The following ABCC4 variants were observed in gnomAD, a reference collection of about 807,000 sequenced individuals.
ABCC4 encodes the protein ATP binding cassette subfamily C member 4 (PEL blood group).
In ABCC4, 102 loss-of-function variants were observed where a neutral mutation model predicts 168.5. The observed-to-expected ratio is 0.61, with a 90% CI of 0.52 to 0.71. The LOEUF (loss-of-function observed/expected upper bound fraction) is 0.71. ABCC4 is among the 30% of genes least tolerant of loss of function. ABCC4 has a pLI of 0.00. For missense variants in ABCC4, 1,402 were observed against 1,605.8 expected, an observed-to-expected ratio of 0.87 and a Z score of 2.17; for synonymous variants, 617 against 590.7, an observed-to-expected ratio of 1.04 and a Z score of -0.65.
At chr13:95,062,674 G>T in intron 26 of ABCC4, 30 bp downstream of exon 26, 1 of 1,582,926 alleles carries the variant, frequency 6.3e-7, no homozygotes, top group Non-Finnish European at 8.6e-7. Context: ...CTTATAAAAG[G>T]GGCAGGTAAG....
Position 95,209,549 on chromosome 13 carries a change from C to A in ABCC4, c.670G>T (p.Ala224Ser). 1.9e-6 allele frequency: 3 copies of A among 1,614,080 alleles called. No individual in the cohort carries two copies. Among genetic ancestry groups the A allele is most frequent in the Non-Finnish European group, 2.5e-6 (3 of 1,179,940 alleles). ...TCCATCCAGAGTAGGGCAGTCACTG[C>A]AATCGCCTGCAGTGGTCCTGCCCAC... ...FLWAGPLQAI[A>S]VTALLWMEIG... is the part of the protein sequence containing the mutation. Residue 224 changes from alanine to serine, a missense_variant, in exon 6 of 31, where the codon GCA (alanine) becomes TCA (serine). Coordinates refer to ENST00000645237, the MANE Select transcript of ABCC4 (RefSeq NM_005845.5).
At chr13:95,276,223 G>A (rs1412328621) in intron 1 of ABCC4, among the ~76,000 whole-genome samples, 1 of 152,016 alleles carries the variant, frequency 6.6e-6, no homozygotes, top group Non-Finnish European at 1.5e-5. Flanking sequence ...AGACCAGCCT[G>A]GGCAACATGG....
intron 1 of ABCC4, among the ~76,000 whole-genome samples, chr13:95,282,954 C>G (rs907934606): frequency 6.6e-6 from 1 of 151,966 alleles, no homozygotes; most frequent in Non-Finnish European, 1.5e-5. Context: ...CACAGTGGCT[C>G]AAGCCTGTAT....
intron 19 of ABCC4, among the ~76,000 whole-genome samples, chr13:95,127,040 A>G (rs549114485): frequency 2.0e-5 from 3 of 151,932 alleles, no homozygotes; most frequent in African/African-American, 7.2e-5. Flanking sequence ...TTTAAGATAC[A>G]CATTACCTCT....
At chr13:95,217,174 T>G (rs1566537634) in intron 4 of ABCC4, among the ~76,000 whole-genome samples, 1 of 152,224 alleles carries the variant, frequency 6.6e-6, no homozygotes, top group Non-Finnish European at 1.5e-5. Flanking sequence ...GAACAAAACA[T>G]TAATTGTATT....
intron 1 of ABCC4, among the ~76,000 whole-genome samples, chr13:95,248,450 A>G (rs565812978): frequency 1.6e-4 from 25 of 152,360 alleles, no homozygotes; most frequent in Admixed American, 4.6e-4. Context: ...AGGACAAAAT[A>G]GTAATCTTGC....
At chr13:95,059,159 TAGGAGAGG>T (rs1196560367) in intron 26 of ABCC4, among the ~76,000 whole-genome samples, 1 of 152,220 alleles carries the variant, frequency 6.6e-6, no homozygotes, top group Non-Finnish European at 1.5e-5. Context: ...TTAAAGTCCC[TAGGAGAGG>T]GTTCAGGAAC....
intron 1 of ABCC4, among the ~76,000 whole-genome samples, chr13:95,263,453 G>T (rs971544723): frequency 5.3e-5 from 8 of 152,220 alleles, no homozygotes; most frequent in African/African-American, 1.9e-4. Flanking sequence ...TAAATAATAT[G>T]TGTTGATCTG....
At chr13:95,099,487 T>C (rs1373615711) in intron 20 of ABCC4, among the ~76,000 whole-genome samples, 1 of 152,198 alleles carries the variant, frequency 6.6e-6, no homozygotes, top group Non-Finnish European at 1.5e-5. Flanking sequence ...ATATAAACTA[T>C]ACCTCAATAA....
At chr13:95,248,012 A>G (rs1321535557) in intron 1 of ABCC4, among the ~76,000 whole-genome samples, 2 of 151,692 alleles carry the variant, frequency 1.3e-5, no homozygotes, top group African/African-American at 4.9e-5. Context: ...GCTGGTGCCC[A>G]GATCTTGGTT....
At chr13:95,025,364 A>T (rs1295100435) in intron 30 of ABCC4, among the ~76,000 whole-genome samples, 1 of 11,090 alleles carries the variant, frequency 9.0e-5, no homozygotes, top group Non-Finnish European at 1.5e-4. Context: ...CCCCACACAC[A>T]CCCACACCCC....
intron 1 of ABCC4, among the ~76,000 whole-genome samples, chr13:95,279,024 C>CAATCCA (rs1207629306): frequency 6.6e-6 from 1 of 151,466 alleles, no homozygotes; most frequent in Non-Finnish European, 1.5e-5. Context: ...ATCTAATAGA[C>CAATCCA]AATCCAGATA....
chr13:95,031,441 T>G (rs2139215483), intron 30 of ABCC4, among the ~76,000 whole-genome samples: 1 of 152,290 alleles, frequency 6.6e-6, no homozygotes, highest in Admixed American at 6.5e-5. Flanking sequence ...CTACCTTCTG[T>G]TCTCCACGGA....
intron 1 of ABCC4, among the ~76,000 whole-genome samples, chr13:95,299,023 C>T (rs1017049052): frequency 3.3e-5 from 5 of 151,906 alleles, no homozygotes; most frequent in Admixed American, 6.6e-5. Context: ...GTGGCCGAAG[C>T]GGGAGGAACA....
chr13:95,301,097 C>T (rs1414941758), intron 1 of ABCC4, 144 bp downstream of exon 1: 3 of 733,130 alleles, frequency 4.1e-6, no homozygotes, highest in Non-Finnish European at 6.0e-6. Context: ...AGCAGAAAGC[C>T]CCGGCGTGGA....
chr13:95,292,886 T>C (rs1297741822), intron 1 of ABCC4, among the ~76,000 whole-genome samples: 1 of 152,020 alleles, frequency 6.6e-6, no homozygotes, highest in Non-Finnish European at 1.5e-5. Flanking sequence ...ACAAAAGGGC[T>C]GTAAGTACTC....
chr13:95,301,426 G>C lies in ABCC4; in HGVS notation c.-112C>G, dbSNP rs1212080919. 1 of 937,398 alleles carries C rather than the reference G, an allele frequency of 1.1e-6. No homozygotes were observed. Among genetic ancestry groups the C allele is most frequent in the African/African-American group, 1.7e-5 (1 of 57,224 alleles). 58.1% of individuals were successfully genotyped at this position (937,398 alleles called of 1,614,324 possible). ...TGCTGGGGCTCCGGCCGCCACGCCT[G>C]TCCGCTCGGCTGGAGCCTGTGAAGC... is the stretch of plus-strand genomic sequence containing the variant. On this transcript the variant is annotated 5_prime_UTR_variant, in exon 1 of 31. Transcript: ENST00000645237.
intron 16 of ABCC4, 152 bp downstream of exon 16, chr13:95,164,226 A>G (rs1566480806): frequency 1.1e-6 from 1 of 879,670 alleles, no homozygotes; most frequent in Non-Finnish European, 1.7e-6. Flanking sequence ...TGTAACGGAC[A>G]TGGAACACCA....
intron 1 of ABCC4, among the ~76,000 whole-genome samples, chr13:95,266,879 C>CT (rs34395714): frequency 0.41 from 48,141 of 116,676 alleles, 11,987 homozygotes; most frequent in Non-Finnish European, 0.54. Context: ...CAAATCTCAT[C>CT]TTTTTTTTTT....
Sources: allele counts gnomAD v4.1 joint callset (sites outside exome capture counted in the v4.1 genomes callset), GRCh38; gene constraint gnomAD v4.1.1; transcripts MANE v1.5; gene names NCBI Gene and HGNC (gene_info 2026-07-23, HGNC 2026-07-21).